AVPR1A: variants seen among roughly 807,000 people sequenced by gnomAD.
AVPR1A encodes vasopressin V1a receptor.
AVPR1A carries 31 observed loss-of-function variants against 31.5 expected under a neutral mutation model. That is an observed-to-expected ratio of 0.99 (90% CI 0.74 to 1.33). The LOEUF is 1.33. Ranked by LOEUF, AVPR1A falls within the 40% of genes most tolerant of loss-of-function variation. The pLI, the probability that AVPR1A is intolerant of heterozygous loss-of-function variation, is 0.00. For synonymous variants in AVPR1A, 243 were observed against 233.2 expected (o/e 1.04, Z -0.38); for missense variants, 570 against 575.2 (o/e 0.99, Z 0.09).
At chr12:63,149,767 TTTTTTCTCTCTCTC>T in intron 1 of AVPR1A, 86 bp downstream of exon 1, 1 of 1,141,560 alleles carries the variant, frequency 8.8e-7, no homozygotes, top group East Asian at 3.6e-5. Context: ...AGATTCTCAT[TTTTTTCTCTCTCTC>T]TCTCTCTCTC....
Position 63,150,725 on chromosome 12 carries a change from CCTCCCCGAGGGCTT to C in AVPR1A, c.98_111del (p.Glu33GlyfsTer304). On this transcript the variant is annotated frameshift_variant, in exon 1 of 2. Transcript: ENST00000299178. LOFTEE classifies it high-confidence loss of function. The surrounding 1 kb of genome is among the most constrained non-coding windows in gnomAD (Gnocchi z 4.9). ...CGCACGTCCCTCGGTGGGCCGTTGCCCTCCCCGAGGGCTTCGGCCTCCCGGCTTGTGTTGCCAGC... is the reference window on the plus strand; with the variant it reads ...CGCACGTCCCTCGGTGGGCCGTTGCCCGGCCTCCCGGCTTGTGTTGCCAGC... The C allele has an allele frequency of 6.2e-7, 1 of 1,603,866 alleles. No individual in the cohort carries two copies. Among genetic ancestry groups the C allele is most frequent in the Non-Finnish European group, 8.5e-7 (1 of 1,179,782 alleles).
At position 63,150,641 on chromosome 12, in the gene AVPR1A, C is replaced by G. The variant is rs747069794; in HGVS notation, c.196G>C (p.Val66Leu). The G allele has an allele frequency of 6.2e-7, 1 of 1,609,322 alleles. No individual in the cohort carries two copies. The highest frequency in any genetic ancestry group is 8.5e-7 in the Non-Finnish European group (1 of 1,179,892). ...AGCAGTACGCTGCTGTTGCCCAGCA[C>G]GGCCACCGCGAAAGTCACCGCCAGC... is the stretch of plus-strand genomic sequence containing the variant. Reference protein sequence around the residue: ...AVLAVTFAVAVLGNSSVLLAL... With the variant: ...AVLAVTFAVALLGNSSVLLAL... Residue 66 changes from valine to leucine, a missense_variant, in exon 1 of 2, where the codon GTG (valine) becomes CTG (leucine). Coordinates refer to ENST00000299178, the MANE Select transcript of AVPR1A (RefSeq NM_000706.5). The surrounding 1 kb of genome is among the most constrained non-coding windows in gnomAD (Gnocchi z 4.9).
At position 63,151,013 on chromosome 12, in the gene AVPR1A, GC is replaced by G; in HGVS notation, c.-178del. On this transcript the variant is annotated 5_prime_UTR_variant, in exon 1 of 2. Transcript: ENST00000299178. ...CGTCTCCCGGAGCAGCGTCCCGCCT[GC>G]CCACTGAGCAGCTCTCAGCAGGGTG... 4 of 922,042 alleles carry G rather than the reference GC, an allele frequency of 4.3e-6. No homozygotes were observed. Among genetic ancestry groups the G allele is most frequent in the Admixed American group, 2.9e-5 (1 of 33,986 alleles). The allele number at this position is 922,042 out of a possible 1,614,324, so 57.1% of individuals were successfully genotyped here.
Position 63,149,930 on chromosome 12 carries a change from A to G in AVPR1A, c.907T>C (p.Cys303Arg). ...TFVIVTAYIVCWAPFFIIQMW... is the reference protein window; with the variant it reads ...TFVIVTAYIVRWAPFFIIQMW... ...TGGATGATGAAGAAAGGCGCCCAGC[A>G]GACGATGTAAGCCGTCACGATCACA... Residue 303 changes from cysteine to arginine, a missense_variant, in exon 1 of 2, where the codon TGC becomes CGC. Transcript: ENST00000299178. 1 of 1,614,064 alleles carries G rather than the reference A, an allele frequency of 6.2e-7. No individual in the cohort carries two copies. Among genetic ancestry groups the G allele is most frequent in the Non-Finnish European group, 8.5e-7 (1 of 1,180,018 alleles).
At position 63,149,867 on chromosome 12, in the gene AVPR1A, C is replaced by G. The variant is rs1389297909; in HGVS notation, c.970G>C (p.Glu324Gln). 1.2e-6 allele frequency: 2 copies of G among 1,611,942 alleles called. No homozygotes were observed. The highest frequency in any genetic ancestry group is 8.5e-7 in the Non-Finnish European group (1 of 1,179,052). Residue 324 changes from glutamate to glutamine, a missense_variant and splice_region_variant, in exon 1 of 2, where the codon GAA (glutamate) becomes CAA (glutamine). Glu to Gln is a conservative substitution (Grantham distance 29). Transcript: ENST00000299178. ...TTTCCTCTATTTTCCCGGCACGTAC[C>G]GGTCCAGACGGACATGGGATCCCAG... ...SVWDPMSVWT[E>Q]SENPTITITA... is the part of the protein sequence containing the mutation.
At position 63,145,410 on chromosome 12, in the gene AVPR1A, CA is replaced by C. The variant is rs1377792910; in HGVS notation, c.*1948del. ...ATCTACAAAGGTAAAAAAAGAAACTCAATAATACTATTAAAACCATGCTGGC... is the reference window on the plus strand; with the variant it reads ...ATCTACAAAGGTAAAAAAAGAAACTCATAATACTATTAAAACCATGCTGGC... On this transcript the variant is annotated 3_prime_UTR_variant, in exon 2 of 2. Coordinates refer to ENST00000299178, the MANE Select transcript of AVPR1A (RefSeq NM_000706.5). 2.2e-6 allele frequency: 1 copy of C among 454,362 alleles called. No homozygotes were observed. Among genetic ancestry groups the C allele is most frequent in the Non-Finnish European group, 4.4e-6 (1 of 226,440 alleles). The allele number at this position is 454,362 out of a possible 1,614,324, so 28.1% of individuals were successfully genotyped here.
Position 63,150,342 on chromosome 12 carries a change from G to C in AVPR1A, c.495C>G (p.Arg165=), listed in dbSNP as rs1868446087. The C allele has an allele frequency of 6.2e-7, 1 of 1,613,788 alleles. No individual in the cohort carries two copies. The highest frequency in any genetic ancestry group is 1.3e-5 in the African/African-American group (1 of 74,948). The stretch of plus-strand genomic sequence containing the variant: ...CGGCCGCGATCATGAGGCGCGAGCG[G>C]CGCGCGGGCTGTTGCAGAGTCTTGA... ...HPLKTLQQPA[R]RSRLMIAAAW... The change falls in exon 1 of 2, where the codon CGC becomes CGG. Residue 165 remains arginine, a synonymous_variant. Transcript: ENST00000299178. The surrounding 1 kb of genome is among the most constrained non-coding windows in gnomAD (Gnocchi z 4.9).
rs2120764253 is a variant in AVPR1A at position 63,150,858 on chromosome 12, C to T, written c.-22G>A. 6.6e-7 allele frequency: 1 copy of T among 1,518,538 alleles called. No individual in the cohort carries two copies. Among genetic ancestry groups the T allele is most frequent in the Non-Finnish European group, 8.7e-7 (1 of 1,142,884 alleles). 94.1% of individuals were successfully genotyped at this position (1,518,538 alleles called of 1,614,324 possible). A position where few individuals can be genotyped will look rare whatever the true frequency, so the allele number is the denominator to read the frequency against. Reference sequence around the variant, plus strand: ...GCATGCTGTCCATGCAGCTCCTACTCGGCCCTCTTCGGAGCTCCAGCCCTC... The same window carrying T: ...GCATGCTGTCCATGCAGCTCCTACTTGGCCCTCTTCGGAGCTCCAGCCCTC... On this transcript the variant is annotated 5_prime_UTR_variant, in exon 1 of 2. Coordinates refer to ENST00000299178, the MANE Select transcript of AVPR1A (RefSeq NM_000706.5). The surrounding 1 kb of genome is among the most constrained non-coding windows in gnomAD (Gnocchi z 4.9).
In AVPR1A at chr12:63,151,087, G is replaced by C. The variant is rs202131085; in HGVS notation, c.-251C>G. 6.0e-6 allele frequency: 3 copies of C among 498,184 alleles called. No individual in the cohort carries two copies. Among genetic ancestry groups the C allele is most frequent in the African/African-American group, 2.0e-5 (1 of 50,402 alleles). 30.9% of individuals were successfully genotyped at this position (498,184 alleles called of 1,614,324 possible). A position where few individuals can be genotyped will look rare whatever the true frequency, so the allele number is the denominator to read the frequency against. ...GCCTTTTTTCAACTTCGGCGAGGTC[G>C]GGAAGGTGAGCTCCGAGCTTCCGGA... is the stretch of plus-strand genomic sequence containing the variant. On this transcript the variant is annotated 5_prime_UTR_variant, in exon 1 of 2. Coordinates refer to ENST00000299178, the MANE Select transcript of AVPR1A (RefSeq NM_000706.5).
In AVPR1A at chr12:63,147,341, G is replaced by C; in HGVS notation, c.*18C>G. On this transcript the variant is annotated 3_prime_UTR_variant, in exon 2 of 2. Transcript: ENST00000299178. ...CCAAAAAGTCAATCACAAGAATCAAGTTGCATGAATGCAAGGCTCAAGTTG... is the reference window on the plus strand; with the variant it reads ...CCAAAAAGTCAATCACAAGAATCAACTTGCATGAATGCAAGGCTCAAGTTG... 2 of 1,606,396 alleles carry C rather than the reference G, an allele frequency of 1.2e-6. No homozygotes were observed. The highest frequency in any genetic ancestry group is 1.7e-6 in the Non-Finnish European group (2 of 1,173,774).
In AVPR1A at chr12:63,150,945, G is replaced by A; in HGVS notation, c.-109C>T. On this transcript the variant is annotated 5_prime_UTR_variant, in exon 1 of 2. Transcript: ENST00000299178. The surrounding 1 kb of genome is among the most constrained non-coding windows in gnomAD (Gnocchi z 4.9). ...TCCTCGTCCGAAGCGCAGGGTCTTT[G>A]GCGCGCTCGCAGCTTGCCGGGCTCT... The A allele has an allele frequency of 1.4e-6, 2 of 1,420,292 alleles. No individual in the cohort carries two copies. The highest frequency in any genetic ancestry group is 2.5e-5 in the East Asian group (1 of 39,856). 88.0% of individuals were successfully genotyped at this position (1,420,292 alleles called of 1,614,324 possible). A position where few individuals can be genotyped will look rare whatever the true frequency, so the allele number is the denominator to read the frequency against.
chr12:63,149,759 A>T, intron 1 of AVPR1A, 108 bp downstream of exon 1: 16 of 1,427,240 alleles, frequency 1.1e-5, no homozygotes, highest in Non-Finnish European at 1.3e-5. Context: ...AAATTGCTAG[A>T]TTCTCATTTT....
rs1042615 is a variant in AVPR1A at position 63,150,429 on chromosome 12, A to G, written c.408T>C (p.Phe136=). ...VVKHLQVFGM[F]ASAYMLVVMT... ...TGACTACCAGCATGTAGGCCGACGC[A>G]AACATGCCGAACACCTGCAGGTGCT... Residue 136 remains phenylalanine (F), a synonymous_variant, in exon 1 of 2, where the codon TTT becomes TTC. Transcript: ENST00000299178. The surrounding 1 kb of genome is among the most constrained non-coding windows in gnomAD (Gnocchi z 4.9). The G allele has an allele frequency of 0.59, 947,639 of 1,612,908 alleles. 282,406 individuals are homozygous for G. Among genetic ancestry groups the G allele is most frequent in the African/African-American group, 0.83 (62,547 of 75,034 alleles).
rs3741865 is a variant in AVPR1A, at chr12:63,151,078, G to A, written c.-242C>T. On this transcript the variant is annotated 5_prime_UTR_variant, in exon 1 of 2. Coordinates refer to ENST00000299178, the MANE Select transcript of AVPR1A (RefSeq NM_000706.5). ...CCCTGCTCTGCCTTTTTTCAACTTC[G>A]GCGAGGTCGGGAAGGTGAGCTCCGA... 0.021 allele frequency: 10,921 copies of A among 517,080 alleles called. 594 individuals carry two copies. The highest frequency in any genetic ancestry group is 0.13 in the South Asian group (3,830 of 29,300). 32.0% of individuals were successfully genotyped at this position (517,080 alleles called of 1,614,324 possible).
intron 1 of AVPR1A, 46 bp from the exon 2 acceptor site, chr12:63,147,691 T>C (rs373666552): frequency 1.2e-4 from 182 of 1,561,632 alleles, no homozygotes; most frequent in Non-Finnish European, 1.5e-4. Flanking sequence ...AAGTGAACCA[T>C]GGATAAACTC....
Position 63,147,441 on chromosome 12 carries a change from C to A in AVPR1A, c.1175G>T (p.Arg392Leu). 6.2e-7 allele frequency: 1 copy of A among 1,613,996 alleles called. No homozygotes were observed. Among genetic ancestry groups the A allele is most frequent in the South Asian group, 1.1e-5 (1 of 91,072 alleles). The part of the protein sequence containing the change: ...SRRQTFYSNN[R>L]SPTNSTGMWK... ...CATACCCGTACTGTTTGTTGGGCTT[C>A]GATTGTTAGAATAAAAAGTCTGTCT... is the stretch of plus-strand genomic sequence containing the variant. The change falls in exon 2 of 2, where the codon CGA (arginine) becomes CTA (leucine). Residue 392 changes from arginine to leucine, a missense_variant. Physicochemically the swap from Arg to Leu is moderately radical, Grantham distance 102. Transcript: ENST00000299178.
At position 63,145,591 on chromosome 12, in the gene AVPR1A, C is replaced by G. The variant is rs139720180; in HGVS notation, c.*1768G>C. The G allele has an allele frequency of 9.6e-6, 2 of 208,396 alleles. No individual in the cohort carries two copies. The highest frequency in any genetic ancestry group is 2.4e-4 in the East Asian group (2 of 8,200). The allele number at this position is 208,396 out of a possible 1,614,324, so 12.9% of individuals were successfully genotyped here. A position where few individuals can be genotyped will look rare whatever the true frequency, so the allele number is the denominator to read the frequency against. ...AGTGAGCCGAGATCACGCCACTGCACTCCAGCCTGGCAAAAGAGCAAGACT... is the reference window on the plus strand; with the variant it reads ...AGTGAGCCGAGATCACGCCACTGCAGTCCAGCCTGGCAAAAGAGCAAGACT... On this transcript the variant is annotated 3_prime_UTR_variant, in exon 2 of 2. Coordinates refer to ENST00000299178, the MANE Select transcript of AVPR1A (RefSeq NM_000706.5).
rs1565878843 is a variant in AVPR1A at position 63,150,013 on chromosome 12, C to T, written c.824G>A (p.Cys275Tyr). Reference protein sequence around the residue: ...AFQKGFLLAPCVSSVKSISRA... With the variant: ...AFQKGFLLAPYVSSVKSISRA... ...GGAAATGGACTTCACGCTGCTGACA[C>T]AGGGTGCGAGCAGGAACCCCTTTTG... Residue 275 changes from cysteine (C) to tyrosine (Y), a missense_variant, in exon 1 of 2, where the codon TGT (cysteine) becomes TAT (tyrosine). Transcript: ENST00000299178. This position sits in a 1 kb window ranked among gnomAD's most constrained non-coding sequence, Gnocchi z 4.9. 1.2e-6 allele frequency: 2 copies of T among 1,614,054 alleles called. No individual in the cohort carries two copies. The highest frequency in any genetic ancestry group is 1.7e-6 in the Non-Finnish European group (2 of 1,180,036).
In AVPR1A at chr12:63,145,277, A is replaced by T. The variant is rs1010931123; in HGVS notation, c.*2082T>A. On this transcript the variant is annotated 3_prime_UTR_variant, in exon 2 of 2. Transcript: ENST00000299178. ...CATTTGGAAACATGTTTTTAGGCCT[A>T]TCAATACAAGGAGCCTAAGGGCTGA... The T allele has an allele frequency of 9.4e-6, 4 of 427,760 alleles. No homozygotes were observed. The highest frequency in any genetic ancestry group is 2.1e-5 in the African/African-American group (1 of 47,928). 26.5% of individuals were successfully genotyped at this position (427,760 alleles called of 1,614,324 possible).
Sources: allele counts gnomAD v4.1 joint callset, GRCh38; gene constraint gnomAD v4.1.1; non-coding constraint Gnocchi (gnomAD v3.1); transcripts MANE v1.5; gene names NCBI Gene and HGNC (gene_info 2026-07-23, HGNC 2026-07-21).